FASTKD1: variants seen among roughly 807,000 people sequenced by gnomAD.
FASTKD1 encodes FAST kinase domains 1.
A neutral mutation model predicts 90.9 loss-of-function variants in FASTKD1; 94 were observed. The observed-to-expected ratio is 1.03, with a 90% confidence interval of 0.88 to 1.23. The LOEUF (loss-of-function observed/expected upper bound fraction) is 1.23, where lower values mean the gene tolerates loss of function less well. Ranked by LOEUF, FASTKD1 falls within the 50% of genes most tolerant of loss-of-function variation. FASTKD1 has a pLI of 0.00. For synonymous variants in FASTKD1, 319 were observed against 345.8 expected (o/e 0.92, Z 0.86); for missense variants, 945 against 993.5 (o/e 0.95, Z 0.66).
chr2:169,551,286 AC>A (rs1368630666), intron 7 of FASTKD1, among the ~76,000 whole-genome samples: 1 of 152,202 alleles, frequency 6.6e-6, no homozygotes, highest in Non-Finnish European at 1.5e-5. Context: ...ACTCGCTGGC[AC>A]ACAGAAATGA....
intron 4 of FASTKD1, among the ~76,000 whole-genome samples, chr2:169,561,963 TG>T (rs1683682353): frequency 1.6e-5 from 2 of 127,374 alleles, no homozygotes; most frequent in African/African-American, 2.9e-5. Context: ...ATTAATTTAT[TG>T]TAAATTAATT....
chr2:169,547,412 G>A (rs1385788756), intron 7 of FASTKD1, among the ~76,000 whole-genome samples: 2 of 152,252 alleles, frequency 1.3e-5, no homozygotes, highest in African/African-American at 2.4e-5. Context: ...TAAGACCCAC[G>A]ATCAGAAAGG....
chr2:169,554,426 G>C (rs1289198631), intron 7 of FASTKD1, among the ~76,000 whole-genome samples: 1 of 151,634 alleles, frequency 6.6e-6, no homozygotes, highest in Non-Finnish European at 1.5e-5. Flanking sequence ...CACTTTGGGA[G>C]GCTCAGGCAG....
At chr2:169,564,447 G>A (rs530217627) in intron 3 of FASTKD1, among the ~76,000 whole-genome samples, 1 of 151,662 alleles carries the variant, frequency 6.6e-6, no homozygotes, top group African/African-American at 2.4e-5. Flanking sequence ...TTTTTTTGTG[G>A]GTACATAGTA....
At position 169,555,172 on chromosome 2, in the gene FASTKD1, T is replaced by C; in HGVS notation, c.1166A>G (p.His389Arg). 1 of 1,612,946 alleles carries C rather than the reference T, an allele frequency of 6.2e-7. No individual in the cohort carries two copies. The highest frequency in any genetic ancestry group is 8.5e-7 in the Non-Finnish European group (1 of 1,179,504). Residue 389 changes from histidine to arginine, a missense_variant, in exon 7 of 15, where the codon CAT becomes CGT. By Grantham distance (29) the His-to-Arg change is conservative. Coordinates refer to ENST00000453153, the MANE Select transcript of FASTKD1 (RefSeq NM_024622.6). ...LKITQELTFL[H>R]FQRKEFFAKL... Reference sequence around the variant, plus strand: ...CGCAAAAAACTCCTTCCTTTGGAAATGCAGAAAAGTTAATTCTTGAGTTAT... The same window carrying C: ...CGCAAAAAACTCCTTCCTTTGGAAACGCAGAAAAGTTAATTCTTGAGTTAT...
intron 5 of FASTKD1, among the ~76,000 whole-genome samples, chr2:169,558,326 T>C (rs191667235): frequency 6.6e-6 from 1 of 152,172 alleles, no homozygotes; most frequent in Admixed American, 6.5e-5. Context: ...AGGAGCATGA[T>C]AGCTCACTGC....
At position 169,546,469 on chromosome 2, in the gene FASTKD1, C is replaced by T. The variant is rs1000722868; in HGVS notation, c.1450G>A (p.Asp484Asn). The T allele has an allele frequency of 1.2e-5, 19 of 1,614,132 alleles. No individual in the cohort carries two copies. The African/African-American group carries it at 1.7e-4, about 15-fold the overall frequency. ...TGTAGTCTCTGACGACCATAGTGAT[C>T]TAATTTTTGAAGTAGTTTCAGTTGT... The part of the protein sequence containing the change: ...AKQLKLLQKL[D>N]HYGRQRLQHS... The change falls in exon 8 of 15, where the codon GAT becomes AAT. Residue 484 changes from aspartate to asparagine, a missense_variant. By Grantham distance (23) the Asp-to-Asn change is conservative. Coordinates refer to ENST00000453153, the MANE Select transcript of FASTKD1 (RefSeq NM_024622.6).
intron 4 of FASTKD1, among the ~76,000 whole-genome samples, chr2:169,562,025 T>TTATTCATTAATTTATTGTAAAATAAC (rs1683696284): frequency 8.4e-6 from 1 of 118,412 alleles, no homozygotes; most frequent in Non-Finnish European, 1.8e-5. Flanking sequence ...TGTAAATTAA[T>TTATTCATTAATTTATTGTAAAATAAC]TATTTATTAA....
rs780750115 is a variant in FASTKD1, at chr2:169,530,645, T to G, written c.2384A>C (p.Lys795Thr). Residue 795 changes from lysine to threonine, a missense_variant, in exon 14 of 15, where the codon AAA becomes ACA. By Grantham distance (78) the Lys-to-Thr change is moderately conservative. Coordinates refer to ENST00000453153, the MANE Select transcript of FASTKD1 (RefSeq NM_024622.6). ...KALCRNIPHM[K>T]GKSAMKKRHL... ...TCGTTTTTTCATAGCAGATTTTCCT[T>G]TCATGTGAGGGATATTTCTACAAAG... 8 of 1,610,652 alleles carry G rather than the reference T, an allele frequency of 5.0e-6. No individual in the cohort carries two copies. In the African/African-American group the frequency reaches 1.1e-4, roughly 22 times the overall value.
At position 169,569,259 on chromosome 2, in the gene FASTKD1, A is replaced by G; in HGVS notation, c.378-7T>C. 2 of 1,613,422 alleles carry G rather than the reference A, an allele frequency of 1.2e-6. No homozygotes were observed. The highest frequency in any genetic ancestry group is 1.7e-6 in the Non-Finnish European group (2 of 1,179,434). On this transcript the variant is annotated splice_region_variant and splice_polypyrimidine_tract_variant and intron_variant, in intron 2 of 14. Transcript: ENST00000453153. Reference sequence around the variant, plus strand: ...ATGGGCCTCACCAGCAAACCTTAATAAAAAAGAAAGAATCCTCCATACATA... The same window carrying G: ...ATGGGCCTCACCAGCAAACCTTAATGAAAAAGAAAGAATCCTCCATACATA...
rs1683696735 is a variant in FASTKD1 at position 169,562,028 on chromosome 2, T to TTAATTTATTGTAAATTAA, written c.572+1196_572+1197insTTAATTTACAATAAATTA. ...TCATTAATTTATTGTAAATTAATTA[T>TTAATTTATTGTAAATTAA]TTATTAATTTATTGTAAATTAATTA... On this transcript the variant is annotated intron_variant, in intron 4 of 14. Coordinates refer to ENST00000453153, the MANE Select transcript of FASTKD1 (RefSeq NM_024622.6). Among the ~76,000 whole-genome samples the TTAATTTATTGTAAATTAA allele has an allele frequency of 6.9e-5, 8 of 116,430 alleles. 2 individuals are homozygous for TTAATTTATTGTAAATTAA. The highest frequency in any genetic ancestry group is 2.6e-4 in the African/African-American group (8 of 30,258). 76.4% of individuals were successfully genotyped at this position (116,430 alleles called of 152,430 possible).
intron 1 of FASTKD1, chr2:169,573,377 T>C (rs1313721102): frequency 6.6e-6 from 1 of 152,236 alleles, no homozygotes; most frequent in Non-Finnish European, 1.5e-5. Context: ...ATGGTTAGCA[T>C]AGAAAGGTGT....
chr2:169,528,746 T>G lies in FASTKD1; in HGVS notation c.*1079A>C, dbSNP rs1334771127. Among the ~76,000 whole-genome samples the G allele has an allele frequency of 6.6e-6, 1 of 152,200 alleles. No homozygotes were observed. The highest frequency in any genetic ancestry group is 1.5e-5 in the Non-Finnish European group (1 of 68,032). On this transcript the variant is annotated 3_prime_UTR_variant, in exon 15 of 15. Coordinates refer to ENST00000453153, the MANE Select transcript of FASTKD1 (RefSeq NM_024622.6). ...ACTAATGATTTTCATGTTGCTAAAT[T>G]TAATAGCCATTTCCCATTTGTCATC...
intron 12 of FASTKD1, among the ~76,000 whole-genome samples, chr2:169,532,768 C>T (rs906111586): frequency 1.9e-4 from 8 of 42,172 alleles, no homozygotes; most frequent in Non-Finnish European, 2.6e-4. Flanking sequence ...GTTAAGATCC[C>T]AATTTGGACA....
chr2:169,555,793 T>C (rs2105392664), intron 6 of FASTKD1, among the ~76,000 whole-genome samples: 1 of 152,300 alleles, frequency 6.6e-6, no homozygotes, highest in South Asian at 2.1e-4. Context: ...AAGTATATAT[T>C]TTTTCTTCTG....
At chr2:169,561,859 TAA>T (rs1283702422) in intron 4 of FASTKD1, among the ~76,000 whole-genome samples, 10 of 143,328 alleles carry the variant, frequency 7.0e-5, no homozygotes, top group Non-Finnish European at 9.1e-5. Flanking sequence ...TAATTTATTG[TAA>T]AATAATTATT....
Position 169,564,963 on chromosome 2 carries a change from T to C in FASTKD1, c.447-1613A>G, listed in dbSNP as rs1434939250. 5.3e-5 allele frequency among the ~76,000 whole-genome samples: 8 copies of C among 150,432 alleles called. No individual in the cohort carries two copies. The East Asian group carries it at 1.2e-3, about 22-fold the overall frequency. ...TATACCACATTTTTCTTTTTTTTTTTTTTTTTTGAGACGCAGTTTCGCTCT... is the reference window on the plus strand; with the variant it reads ...TATACCACATTTTTCTTTTTTTTTTCTTTTTTTGAGACGCAGTTTCGCTCT... On this transcript the variant is annotated intron_variant, in intron 3 of 14. Coordinates refer to ENST00000453153, the MANE Select transcript of FASTKD1 (RefSeq NM_024622.6).
chr2:169,563,576 ATT>A (rs1206093147), intron 3 of FASTKD1, among the ~76,000 whole-genome samples: 5 of 152,138 alleles, frequency 3.3e-5, no homozygotes, highest in Non-Finnish European at 7.4e-5. Flanking sequence ...GATTTACTTA[ATT>A]TTTTTAGATG....
At position 169,537,311 on chromosome 2, in the gene FASTKD1, G is replaced by A. The variant is rs1484943429; in HGVS notation, c.2104C>T (p.Gln702Ter). 2 of 1,612,078 alleles carry A rather than the reference G, an allele frequency of 1.2e-6. No individual in the cohort carries two copies. ...ACCTCTGCTAACATTTTAAAAATCTGCTGTTGTGTTCCATCCATGCCACCA... is the reference window on the plus strand; with the variant it reads ...ACCTCTGCTAACATTTTAAAAATCTACTGTTGTGTTCCATCCATGCCACCA... ...GIGGMDGTQQ[Q>*]IFKMLAEVLG... is the part of the protein sequence containing the mutation. The change falls in exon 12 of 15, where the codon CAG (glutamine) becomes TAG (stop). Residue 702 changes from glutamine (Q) to a stop codon, truncating the protein, a stop_gained. Coordinates refer to ENST00000453153, the MANE Select transcript of FASTKD1 (RefSeq NM_024622.6). LOFTEE classifies it high-confidence loss of function.
Sources: gnomAD v4.1 joint callset for allele counts (sites outside exome capture counted in the v4.1 genomes callset) on GRCh38, gnomAD v4.1.1 for gene constraint, MANE v1.5 for transcripts, NCBI Gene and HGNC (gene_info 2026-07-23, HGNC 2026-07-21) for gene names.